The following TRPC5 variants were observed in gnomAD, a reference collection of about 807,000 sequenced individuals.
TRPC5 encodes the protein transient receptor potential cation channel subfamily C member 5, also known as short transient receptor potential channel 5.
TRPC5 carries 9 observed loss-of-function variants against 56.5 expected under a neutral mutation model. The observed-to-expected ratio is 0.16, with a 90% confidence interval of 0.10 to 0.28. The LOEUF is 0.28. Among genes scored for constraint, TRPC5 ranks in the 10% least tolerant of loss-of-function variants. TRPC5 has a pLI of 1.00. For synonymous variants in TRPC5, 282 were observed against 278.5 expected (o/e 1.01, Z -0.13); for missense variants, 469 against 748.9 (o/e 0.63, Z 4.36).
chrX:111,816,248 A>G lies in TRPC5; in HGVS notation c.1896+18673T>C, dbSNP rs191696032. Among the ~76,000 whole-genome samples the G allele has an allele frequency of 4.7e-3, 528 of 112,177 alleles. 4 individuals carry two copies. The highest frequency in any genetic ancestry group is 6.0e-3 in the Non-Finnish European group (320 of 53,227). On this transcript the variant is annotated intron_variant, in intron 7 of 10. Transcript: ENST00000262839. Reference sequence around the variant, plus strand: ...GAGACTGCACAGGAATCTCCTTTTCATCTTCTAAAATGGTCCTGCAAGGTC... The same window carrying G: ...GAGACTGCACAGGAATCTCCTTTTCGTCTTCTAAAATGGTCCTGCAAGGTC...
intron 1 of TRPC5, among the ~76,000 whole-genome samples, chrX:112,056,004 C>T: frequency 9.0e-6 from 1 of 111,308 alleles, no homozygotes; most frequent in East Asian, 2.8e-4. Context: ...ATTGGAGCAT[C>T]AAGATAGGGT....
intron 7 of TRPC5, among the ~76,000 whole-genome samples, chrX:111,789,051 T>C (rs1238743304): frequency 2.7e-5 from 3 of 111,886 alleles, no homozygotes; most frequent in Non-Finnish European, 3.8e-5. Context: ...CTTCACAGAA[T>C]TGGAAAAAAC....
At chrX:111,963,413 C>T (rs1927453124) in intron 1 of TRPC5, among the ~76,000 whole-genome samples, 1 of 112,278 alleles carries the variant, frequency 8.9e-6, no homozygotes, top group Non-Finnish European at 1.9e-5. Flanking sequence ...CACAGACAAA[C>T]AAAAAGACAG....
intron 1 of TRPC5, among the ~76,000 whole-genome samples, chrX:111,997,127 T>C (rs1001834937): frequency 3.6e-5 from 4 of 112,020 alleles, no homozygotes; most frequent in African/African-American, 1.3e-4. Flanking sequence ...ATTTTTGCAG[T>C]GGCTGGTACC....
intron 1 of TRPC5, among the ~76,000 whole-genome samples, chrX:111,979,633 AT>A (rs1235407683): frequency 9.0e-6 from 1 of 111,640 alleles, no homozygotes; most frequent in Non-Finnish European, 1.9e-5. Flanking sequence ...ATTGAAACAA[AT>A]AATCTGGTTT....
At chrX:111,795,439 G>C (rs1293532383) in intron 7 of TRPC5, among the ~76,000 whole-genome samples, 1 of 110,497 alleles carries the variant, frequency 9.1e-6, no homozygotes, top group Non-Finnish European at 1.9e-5. Flanking sequence ...CTGTTAATAT[G>C]ATTGGTTACT....
At chrX:111,909,162 A>AAC (rs199570985) in intron 3 of TRPC5, among the ~76,000 whole-genome samples, 174 of 48,987 alleles carry the variant, frequency 3.6e-3, no homozygotes, top group Non-Finnish European at 8.7e-3. Context: ...TAAAAAAAAA[A>AAC]AAAAAAAAAA....
intron 3 of TRPC5, among the ~76,000 whole-genome samples, chrX:111,897,808 C>CT (rs771775619): frequency 9.0e-6 from 1 of 111,305 alleles, no homozygotes. Flanking sequence ...GCTCTTTCTA[C>CT]TTTTTGGTGA....
At chrX:111,783,978 T>C (rs777190598) in intron 7 of TRPC5, among the ~76,000 whole-genome samples, 34 of 111,802 alleles carry the variant, frequency 3.0e-4, no homozygotes, top group African/African-American at 1.1e-3. Context: ...GAGGTTCTTT[T>C]TGAAAATATG....
chrX:111,829,603 G>C lies in TRPC5; in HGVS notation c.1896+5318C>G, dbSNP rs762383454. Among the ~76,000 whole-genome samples the C allele has an allele frequency of 2.7e-5, 3 of 112,375 alleles. No individual in the cohort carries two copies. The South Asian group carries it at 1.1e-3, about 41-fold the overall frequency. ...TAGGGACTTGGTGCCCTGTTTTCCA[G>C]CCGATCTAGCCATGGCTAAAAGGTG... is the stretch of plus-strand genomic sequence containing the variant. On this transcript the variant is annotated intron_variant, in intron 7 of 10. Coordinates refer to ENST00000262839, the MANE Select transcript of TRPC5 (RefSeq NM_012471.3).
intron 2 of TRPC5, among the ~76,000 whole-genome samples, chrX:111,938,511 G>A (rs963095343): frequency 9.0e-6 from 1 of 111,339 alleles, no homozygotes; most frequent in Non-Finnish European, 1.9e-5. Context: ...ATTATTTTGC[G>A]ATACATCCCA....
chrX:111,863,343 T>A (rs1256401161), intron 3 of TRPC5, among the ~76,000 whole-genome samples: 1 of 112,077 alleles, frequency 8.9e-6, no homozygotes, highest in East Asian at 2.8e-4. Flanking sequence ...TTATATGGCA[T>A]TTAGCAGGTG....
At chrX:112,073,119 G>A (rs772279191) in intron 1 of TRPC5, among the ~76,000 whole-genome samples, 1 of 112,008 alleles carries the variant, frequency 8.9e-6, no homozygotes, top group African/African-American at 3.2e-5. Context: ...GCCTTGCACA[G>A]GTCTCTTTTT....
chrX:111,830,230 G>A (rs760481375), intron 7 of TRPC5, among the ~76,000 whole-genome samples: 2 of 112,316 alleles, frequency 1.8e-5, no homozygotes, highest in Non-Finnish European at 3.8e-5. Context: ...TTTGGAATGG[G>A]TGTATTTACC....
At chrX:111,852,700 T>C (rs1465322976) in intron 4 of TRPC5, among the ~76,000 whole-genome samples, 1 of 112,015 alleles carries the variant, frequency 8.9e-6, no homozygotes, top group African/African-American at 3.2e-5. Context: ...CTATAGTTAC[T>C]GGAATGCTGT....
intron 7 of TRPC5, among the ~76,000 whole-genome samples, chrX:111,832,079 A>G (rs1364800777): frequency 8.9e-6 from 1 of 111,897 alleles, no homozygotes; most frequent in Non-Finnish European, 1.9e-5. Context: ...GTCAATAACA[A>G]TAATATACAA....
intron 2 of TRPC5, among the ~76,000 whole-genome samples, chrX:111,933,605 GTT>G (rs1926481474): frequency 9.0e-6 from 1 of 111,696 alleles, no homozygotes; most frequent in Admixed American, 9.5e-5. Flanking sequence ...ACACTCATGT[GTT>G]TTCATTAAGT....
intron 2 of TRPC5, among the ~76,000 whole-genome samples, chrX:111,932,219 A>T (rs1434045369): frequency 3.6e-5 from 4 of 112,029 alleles, no homozygotes; most frequent in Non-Finnish European, 7.5e-5. Context: ...TCAACCAATA[A>T]AAATGGGACA....
At chrX:112,035,456 CATAT>C (rs58747733) in intron 1 of TRPC5, among the ~76,000 whole-genome samples, 1 of 103,666 alleles carries the variant, frequency 9.6e-6, no homozygotes, top group Non-Finnish European at 2.0e-5. Context: ...TCCTTGAACT[CATAT>C]ATATATATAT....
Sources: allele counts gnomAD v4.1 joint callset (sites outside exome capture counted in the v4.1 genomes callset), GRCh38; gene constraint gnomAD v4.1.1; transcripts MANE v1.5; gene names NCBI Gene and HGNC (gene_info 2026-07-23, HGNC 2026-07-21).